SGCD: variants seen among roughly 807,000 people sequenced by gnomAD.
SGCD encodes the protein sarcoglycan delta.
A neutral mutation model predicts 36.6 loss-of-function variants in SGCD; 18 were observed. That is an observed-to-expected ratio of 0.49 (90% CI 0.34 to 0.73). The LOEUF is 0.73. Ranked by LOEUF, SGCD falls within the 30% of genes least tolerant of loss-of-function variation. The pLI, the probability that SGCD is intolerant of heterozygous loss-of-function variation, is 0.01. For missense variants in SGCD, 387 were observed against 346.7 expected (o/e 1.12, Z -0.92); for synonymous variants, 133 against 130.6 (o/e 1.02, Z -0.12).
intron 3 of SGCD, among the ~76,000 whole-genome samples, chr5:156,426,116 G>A (rs1352970781): frequency 6.6e-6 from 1 of 152,038 alleles, no homozygotes; most frequent in Non-Finnish European, 1.5e-5. Context: ...TTTACTTTCA[G>A]TTCTTTAAGG....
At chr5:156,148,524 G>A (rs1425298089) in intron 3 of SGCD, among the ~76,000 whole-genome samples, 1 of 152,164 alleles carries the variant, frequency 6.6e-6, no homozygotes, top group Admixed American at 6.5e-5. Flanking sequence ...TTCTGTTGAT[G>A]TAACTGATAT....
intron 8 of SGCD, 58 bp downstream of exon 8, chr5:156,757,762 C>T: frequency 6.4e-7 from 1 of 1,561,726 alleles, no homozygotes. Flanking sequence ...GCCAACCCTT[C>T]CCATAACTGG....
chr5:155,970,344 G>A (rs748178204), intron 1 of SGCD, among the ~76,000 whole-genome samples: 11 of 151,878 alleles, frequency 7.2e-5, no homozygotes, highest in African/African-American at 2.2e-4. Flanking sequence ...AACAACTTTC[G>A]TTTATTAGGG....
At chr5:156,579,439 AGAGCTGAGTTCAAGT>A (rs1760143251) in intron 4 of SGCD, among the ~76,000 whole-genome samples, 1 of 152,072 alleles carries the variant, frequency 6.6e-6, no homozygotes, top group Admixed American at 6.6e-5. Flanking sequence ...CACTTGGTGC[AGAGCTGAGTTCAAGT>A]CCTGGATATC....
intron 4 of SGCD, among the ~76,000 whole-genome samples, chr5:156,561,306 C>T (rs1444963131): frequency 1.3e-5 from 2 of 152,160 alleles, no homozygotes; most frequent in African/African-American, 4.8e-5. Context: ...TTCTGTCCTC[C>T]CAGCAGATTC....
chr5:156,322,636 A>G (rs181813921), upstream of SGCD, among the ~76,000 whole-genome samples: 16 of 152,344 alleles, frequency 1.1e-4, no homozygotes, highest in Admixed American at 6.5e-4. Flanking sequence ...TAAAGGCTGA[A>G]TAAGAGATAA....
chr5:155,822,742 C>T, the SGCD span, among the ~76,000 whole-genome samples: 8 of 152,290 alleles, frequency 5.3e-5, no homozygotes, highest in South Asian at 2.1e-4. Context: ...GGAAAAGCAT[C>T]GAGCCCAGGG....
intron 4 of SGCD, among the ~76,000 whole-genome samples, chr5:156,562,960 T>C (rs1759327977): frequency 6.6e-6 from 1 of 151,870 alleles, no homozygotes; most frequent in African/African-American, 2.4e-5. Flanking sequence ...AACAAGTATA[T>C]AGTGATGATA....
intron 3 of SGCD, among the ~76,000 whole-genome samples, chr5:156,395,587 C>T (rs1364978793): frequency 6.6e-6 from 1 of 152,158 alleles, no homozygotes; most frequent in East Asian, 1.9e-4. Flanking sequence ...TACGGTCTGG[C>T]CATCATCCAT....
rs1757590665 is a variant in SGCD at position 156,766,508 on chromosome 5, A to T, written c.*7118A>T. ...CTACCAATTTATCTGAGTTGGAAAT[A>T]AGACTCATTTGCCAGTTCTTATTTT... is the stretch of plus-strand genomic sequence containing the variant. On this transcript the variant is annotated 3_prime_UTR_variant, in exon 9 of 9. Transcript: ENST00000337851. 6.6e-6 allele frequency: 1 copy of T among 150,762 alleles called. No homozygotes were observed. Among genetic ancestry groups the T allele is most frequent in the Non-Finnish European group, 1.5e-5 (1 of 67,840 alleles). The allele number at this position is 150,762 out of a possible 1,614,324, so 9.3% of individuals were successfully genotyped here. A position where few individuals can be genotyped will look rare whatever the true frequency, so the allele number is the denominator to read the frequency against.
chr5:156,187,088 G>A (rs1763779379), intron 3 of SGCD, among the ~76,000 whole-genome samples: 1 of 152,108 alleles, frequency 6.6e-6, no homozygotes, highest in Non-Finnish European at 1.5e-5. Context: ...GTAAAAGGGT[G>A]AGTATTTCAA....
intron 7 of SGCD, among the ~76,000 whole-genome samples, chr5:156,721,071 C>A (rs1023528484): frequency 4.6e-5 from 7 of 152,192 alleles, no homozygotes; most frequent in Non-Finnish European, 8.8e-5. Context: ...GCCTGAGCAA[C>A]TGGAAAATGA....
At chr5:156,410,500 A>C (rs566641264) in intron 3 of SGCD, among the ~76,000 whole-genome samples, 1 of 152,224 alleles carries the variant, frequency 6.6e-6, no homozygotes, top group Non-Finnish European at 1.5e-5. Flanking sequence ...AAACCTGCAC[A>C]TGTACCTTCT....
chr5:156,458,588 C>A, intron 3 of SGCD: 1 of 764,416 alleles, frequency 1.3e-6, no homozygotes, highest in Non-Finnish European at 2.2e-6. Flanking sequence ...TGATTAACAT[C>A]TCTAAACCTC....
intron 2 of SGCD, among the ~76,000 whole-genome samples, chr5:156,332,852 T>C (rs1004227709): frequency 6.6e-6 from 1 of 152,224 alleles, no homozygotes; most frequent in African/African-American, 2.4e-5. Flanking sequence ...ATAGAAATGT[T>C]CCCTCTCCTG....
chr5:156,318,375 T>C (rs1459626403), intron 3 of SGCD, among the ~76,000 whole-genome samples: 1 of 152,190 alleles, frequency 6.6e-6, no homozygotes, highest in Non-Finnish European at 1.5e-5. Context: ...TTGTCAGTGG[T>C]ACTAGAGACA....
the SGCD span, among the ~76,000 whole-genome samples, chr5:155,802,253 G>T: frequency 6.6e-6 from 1 of 152,182 alleles, no homozygotes; most frequent in African/African-American, 2.4e-5. Context: ...CACTGGCACA[G>T]ATATGAGACC....
intron 3 of SGCD, among the ~76,000 whole-genome samples, chr5:156,375,820 A>T (rs1414433337): frequency 1.3e-5 from 2 of 152,154 alleles, no homozygotes; most frequent in Admixed American, 6.5e-5. Context: ...TGAAGCCCTC[A>T]TCTACCTATA....
At chr5:156,611,957 C>T (rs544028996) in intron 6 of SGCD, among the ~76,000 whole-genome samples, 1 of 152,178 alleles carries the variant, frequency 6.6e-6, no homozygotes, top group African/African-American at 2.4e-5. Context: ...TTGAATTTCT[C>T]ATTCAGATGA....
Sources: allele counts gnomAD v4.1 joint callset (sites outside exome capture counted in the v4.1 genomes callset), GRCh38; gene constraint gnomAD v4.1.1; transcripts MANE v1.5; gene names NCBI Gene and HGNC (gene_info 2026-07-23, HGNC 2026-07-21).